NDUFAF6: variants seen among roughly 807,000 people sequenced by gnomAD.
NDUFAF6 encodes the protein NADH dehydrogenase (ubiquinone) complex I, assembly factor 6.
A neutral mutation model predicts 40.8 loss-of-function variants in NDUFAF6; 45 were observed. The observed-to-expected ratio is 1.10, with a 90% CI of 0.87 to 1.42. The LOEUF is 1.42. NDUFAF6 is among the 40% of genes most tolerant of loss of function. The pLI is 0.00. For synonymous variants in NDUFAF6, 185 were observed against 155.9 expected (o/e 1.19, Z -1.39); for missense variants, 435 against 418.5 (o/e 1.04, Z -0.34).
At chr8:94,964,760 T>C (rs1303627467) in intron 1 of NDUFAF6, among the ~76,000 whole-genome samples, 3 of 152,098 alleles carry the variant, frequency 2.0e-5, no homozygotes, top group African/African-American at 7.2e-5. Flanking sequence ...ACCAAATATC[T>C]CCCACTGAGC....
chr8:94,930,415 A>T (rs542484737), intron 1 of NDUFAF6: 1 of 1,596,844 alleles, frequency 6.3e-7, no homozygotes, highest in African/African-American at 1.3e-5. Flanking sequence ...TTCACTGTAC[A>T]TATACACACA....
chr8:94,942,336 G>A (rs1226148841), intron 1 of NDUFAF6, among the ~76,000 whole-genome samples: 2 of 151,812 alleles, frequency 1.3e-5, no homozygotes, highest in African/African-American at 4.8e-5. Context: ...TGCCGCACCC[G>A]CATGCCTTTT....
chr8:95,082,835 A>ATT (rs957666286), intron 2 of NDUFAF6, among the ~76,000 whole-genome samples: 1 of 151,742 alleles, frequency 6.6e-6, no homozygotes, highest in Non-Finnish European at 1.5e-5. Context: ...AATTTTTTGT[A>ATT]TTTTTTAGTA....
At chr8:94,987,152 C>G (rs1288468461) in intron 2 of NDUFAF6, among the ~76,000 whole-genome samples, 3 of 152,176 alleles carry the variant, frequency 2.0e-5, no homozygotes, top group Non-Finnish European at 4.4e-5. Context: ...CCATGTCTTT[C>G]TTTATGGGTT....
At chr8:95,071,270 C>A (rs1253379132) in intron 9 of NDUFAF6, among the ~76,000 whole-genome samples, 1 of 151,020 alleles carries the variant, frequency 6.6e-6, no homozygotes, top group Admixed American at 6.6e-5. Context: ...TTGTGGCGGG[C>A]GCCTGTAGTC....
chr8:94,976,194 CAA>C (rs34588079), intron 1 of NDUFAF6, among the ~76,000 whole-genome samples: 4 of 102,112 alleles, frequency 3.9e-5, no homozygotes, highest in African/African-American at 3.9e-5. Context: ...GACTGTGTCT[CAA>C]AAAAAAAAAA....
chr8:95,035,560 C>T lies in NDUFAF6; in HGVS notation c.404C>T (p.Ala135Val), dbSNP rs763634041. ...YCDNPPHQPV[A>V]IELWKAVKRH... Reference sequence around the variant, plus strand: ...GACAATCCACCACATCAGCCTGTGGCCATTGAACTATGGAAGGTAAAAAAA... The same window carrying T: ...GACAATCCACCACATCAGCCTGTGGTCATTGAACTATGGAAGGTAAAAAAA... The change falls in exon 3 of 9, where the codon GCC (alanine) becomes GTC (valine). Residue 135 changes from alanine to valine, a missense_variant. By Grantham distance (64) the Ala-to-Val change is moderately conservative. Coordinates refer to ENST00000396124, the MANE Select transcript of NDUFAF6 (RefSeq NM_152416.4). 8.1e-5 allele frequency: 130 copies of T among 1,602,122 alleles called. No homozygotes were observed. The highest frequency in any genetic ancestry group is 1.6e-4 in the Admixed American group (9 of 57,826).
intron 2 of NDUFAF6, among the ~76,000 whole-genome samples, chr8:95,017,498 A>G (rs1827512859): frequency 6.6e-6 from 1 of 152,214 alleles, no homozygotes; most frequent in African/African-American, 2.4e-5. Flanking sequence ...GGTAGAAAGT[A>G]GGATGAAGAG....
intron 3 of NDUFAF6, among the ~76,000 whole-genome samples, chr8:95,036,096 T>G (rs1829469610): frequency 6.6e-6 from 1 of 152,168 alleles, no homozygotes; most frequent in East Asian, 1.9e-4. Flanking sequence ...CATTGTTGAG[T>G]TTTAGGTGTT....
At chr8:94,939,607 A>G in intron 1 of NDUFAF6, 1 of 438,468 alleles carries the variant, frequency 2.3e-6, no homozygotes, top group South Asian at 2.1e-5. Flanking sequence ...CATGTTGCCC[A>G]GGGTGGTCTT....
intron 1 of NDUFAF6, chr8:94,941,112 GA>G: frequency 3.4e-6 from 2 of 587,636 alleles, no homozygotes; most frequent in South Asian, 4.3e-5. Context: ...ACAGAAAAAG[GA>G]AGTTATTTCA....
At chr8:95,011,619 C>T (rs1827231051) in intron 2 of NDUFAF6, among the ~76,000 whole-genome samples, 1 of 152,168 alleles carries the variant, frequency 6.6e-6, no homozygotes, top group Non-Finnish European at 1.5e-5. Context: ...ACCTTCTAAG[C>T]TCACTTTTGG....
chr8:94,999,598 A>G (rs148102887), intron 2 of NDUFAF6, among the ~76,000 whole-genome samples: 1,535 of 150,646 alleles, frequency 0.01, 29 homozygotes, highest in African/African-American at 0.036. Flanking sequence ...TATATTTTCA[A>G]TAGAGACAGG....
chr8:94,933,951 C>G (rs961341202), intron 1 of NDUFAF6, among the ~76,000 whole-genome samples: 24 of 151,042 alleles, frequency 1.6e-4, no homozygotes, highest in African/African-American at 5.6e-4. Context: ...GTGGCACATG[C>G]CTGTAATCCC....
At chr8:95,103,547 A>G (rs905871168), downstream of NDUFAF6, 1 of 152,220 alleles carries the variant, frequency 6.6e-6, no homozygotes, top group African/African-American at 2.4e-5. Flanking sequence ...ATATTGAATA[A>G]CATTCAGGGG....
At chr8:94,954,470 G>A (rs913951857), upstream of NDUFAF6, among the ~76,000 whole-genome samples, 29 of 152,158 alleles carry the variant, frequency 1.9e-4, no homozygotes, top group African/African-American at 7.0e-4. Flanking sequence ...TAGTAGAGGA[G>A]ATACAATAAA....
chr8:95,089,199 T>A (rs1490432353), intron 2 of NDUFAF6, among the ~76,000 whole-genome samples: 1 of 152,092 alleles, frequency 6.6e-6, no homozygotes, highest in Admixed American at 6.6e-5. Context: ...TAGCTGGGAC[T>A]ACAGGCACAC....
At chr8:94,994,239 A>G (rs922368385) in intron 2 of NDUFAF6, among the ~76,000 whole-genome samples, 2 of 152,166 alleles carry the variant, frequency 1.3e-5, no homozygotes, top group African/African-American at 2.4e-5. Flanking sequence ...CCAGTCATTC[A>G]GGGCCTTGAA....
intron 2 of NDUFAF6, among the ~76,000 whole-genome samples, chr8:95,082,804 C>G (rs931292083): frequency 6.6e-6 from 1 of 151,686 alleles, no homozygotes; most frequent in African/African-American, 2.4e-5. Flanking sequence ...GGACTACAGG[C>G]GCCCGCCACT....
Sources: allele counts gnomAD v4.1 joint callset (sites outside exome capture counted in the v4.1 genomes callset), GRCh38; gene constraint gnomAD v4.1.1; transcripts MANE v1.5; gene names NCBI Gene and HGNC (gene_info 2026-07-23, HGNC 2026-07-21).